Variants in ZNRF3 observed in about 807,000 individuals in gnomAD.
ZNRF3 encodes zinc and ring finger 3.
ZNRF3 carries 23 observed loss-of-function variants against 72.5 expected under a neutral mutation model. That is an observed-to-expected ratio of 0.32 (90% CI 0.23 to 0.45). The LOEUF (loss-of-function observed/expected upper bound fraction) is 0.45, where lower values mean the gene tolerates loss of function less well. Among genes scored for constraint, ZNRF3 ranks in the 20% least tolerant of loss-of-function variants. The pLI is 1.00. For missense variants in ZNRF3, 1,169 were observed against 1,272.1 expected (o/e 0.92, Z 1.23); for synonymous variants, 610 against 545.3 (o/e 1.12, Z -1.65).
intron 1 of ZNRF3, among the ~76,000 whole-genome samples, chr22:28,967,281 C>T (rs1011402202): frequency 2.0e-5 from 3 of 152,156 alleles, no homozygotes; most frequent in African/African-American, 7.2e-5. Flanking sequence ...GACTACAGTA[C>T]AGTAACATGC....
intron 1 of ZNRF3, among the ~76,000 whole-genome samples, chr22:28,964,465 A>G (rs1054747461): frequency 3.9e-5 from 6 of 152,308 alleles, no homozygotes; most frequent in African/African-American, 1.4e-4. Context: ...GGTGAGGGGA[A>G]CAACTCAGCC....
In ZNRF3 at chr22:29,050,898, G is replaced by A. The variant is rs200415716; in HGVS notation, c.2717G>A (p.Ser906Asn). Residue 906 changes from serine (S) to asparagine (N), a missense_variant, in exon 8 of 9, where the codon AGT (serine) becomes AAT (asparagine). Around this residue, in one of 2 missense-constraint regions of ZNRF3, gnomAD observed 783 missense variants for 731.4 expected, o/e 1.07. Coordinates refer to ENST00000544604, the MANE Select transcript of ZNRF3 (RefSeq NM_001206998.2). ...EAGAVRANFP[S>N]ALQDTQESST... ...GGTGCTGTCAGGGCCAACTTCCCTA[G>A]TGCCCTCCAGGACACTCAGGAGTCC... 1 of 1,573,386 alleles carries A rather than the reference G, an allele frequency of 6.4e-7. No individual in the cohort carries two copies. Among genetic ancestry groups the A allele is most frequent in the Non-Finnish European group, 8.6e-7 (1 of 1,167,430 alleles).
chr22:28,932,559 A>G (rs576588714), intron 1 of ZNRF3, among the ~76,000 whole-genome samples: 2 of 152,278 alleles, frequency 1.3e-5, no homozygotes, highest in African/African-American at 2.4e-5. Context: ...CTTGTGATCT[A>G]TCACCATGCT....
chr22:28,932,124 G>A (rs2034718293), intron 1 of ZNRF3, among the ~76,000 whole-genome samples: 1 of 152,204 alleles, frequency 6.6e-6, no homozygotes, highest in Non-Finnish European at 1.5e-5. Flanking sequence ...GACCCGTTCA[G>A]CCACACCTGT....
Position 28,883,959 on chromosome 22 carries a change from C to T in ZNRF3, c.193C>T (p.Leu65=). The change falls in exon 1 of 9, where the codon CTG becomes TTG. Residue 65 remains leucine, a synonymous_variant. Transcript: ENST00000544604. This position sits in a 1 kb window ranked among gnomAD's most constrained non-coding sequence, Gnocchi z 5.5. The stretch of plus-strand genomic sequence containing the variant: ...GGAGACGGCGTTCGTGGAGGTGGTG[C>T]TGTTCGAGTCGAGCCCAAGCGGCGA... ...AKETAFVEVV[L]FESSPSGDYT... The T allele has an allele frequency of 5.4e-6, 7 of 1,292,270 alleles. No homozygotes were observed. Among genetic ancestry groups the T allele is most frequent in the Non-Finnish European group, 7.0e-6 (7 of 1,000,982 alleles). The allele number at this position is 1,292,270 out of a possible 1,614,324, so 80.1% of individuals were successfully genotyped here. A position where few individuals can be genotyped will look rare whatever the true frequency, so the allele number is the denominator to read the frequency against.
rs574895082 is a variant in ZNRF3, at chr22:28,896,464, A to G, written c.300+12398A>G. ...TTTTTAGTAGAGACAGGGTTTCGCC[A>G]TGTTGGCCAGGCTGGTCTCAAACTC... On this transcript the variant is annotated intron_variant, in intron 1 of 8. Transcript: ENST00000544604. Among the ~76,000 whole-genome samples the G allele has an allele frequency of 2.2e-3, 331 of 151,898 alleles. 2 individuals carry two copies. The highest frequency in any genetic ancestry group is 7.7e-3 in the African/African-American group (318 of 41,420).
At chr22:29,027,733 GT>G (rs1424151142) in intron 2 of ZNRF3, among the ~76,000 whole-genome samples, 4 of 152,200 alleles carry the variant, frequency 2.6e-5, no homozygotes, top group African/African-American at 9.7e-5. Flanking sequence ...GATAGATTCA[GT>G]GTCATCCCCA....
At chr22:29,045,189 C>T (rs1569294392) in intron 5 of ZNRF3, among the ~76,000 whole-genome samples, 1 of 151,924 alleles carries the variant, frequency 6.6e-6, no homozygotes, top group African/African-American at 2.4e-5. Context: ...GGCAAAACCC[C>T]GTCTCTACCA....
chr22:28,930,052 A>T (rs1164266972), intron 1 of ZNRF3, among the ~76,000 whole-genome samples: 2 of 152,238 alleles, frequency 1.3e-5, no homozygotes, highest in Non-Finnish European at 2.9e-5. Context: ...AAAGCAGAAC[A>T]AATACGTATA....
chr22:28,948,132 T>G (rs1033608624), intron 1 of ZNRF3, among the ~76,000 whole-genome samples: 2 of 147,962 alleles, frequency 1.4e-5, no homozygotes, highest in African/African-American at 2.5e-5. Flanking sequence ...TGTGAGCCAC[T>G]GCGCCTGGCT....
At chr22:28,908,282 G>C (rs183721785) in intron 1 of ZNRF3, among the ~76,000 whole-genome samples, 1 of 152,302 alleles carries the variant, frequency 6.6e-6, no homozygotes, top group African/African-American at 2.4e-5. Flanking sequence ...TCTTTCCAAA[G>C]AACCCTCAAC....
intron 1 of ZNRF3, among the ~76,000 whole-genome samples, chr22:28,962,458 A>G (rs1425264792): frequency 6.6e-6 from 1 of 152,172 alleles, no homozygotes; most frequent in East Asian, 1.9e-4. Flanking sequence ...CAGCTCTCCA[A>G]AAGGCACAAG....
rs2037110643 is a variant in ZNRF3, at chr22:29,048,233, C to T, written c.913-156C>T. ...TCTTCCTAGAACACATGGGTGGGCC[C>T]TGCTTCTAGGGAATTGAGCCCTAAT... On this transcript the variant is annotated intron_variant, in intron 6 of 8. Transcript: ENST00000544604. The surrounding 1 kb of genome is among the most constrained non-coding windows in gnomAD (Gnocchi z 4.9). Among the ~76,000 whole-genome samples, 1 of 152,138 alleles carries T rather than the reference C, an allele frequency of 6.6e-6. No individual in the cohort carries two copies. Among genetic ancestry groups the T allele is most frequent in the Non-Finnish European group, 1.5e-5 (1 of 68,010 alleles).
rs115602003 is a variant in ZNRF3, at chr22:28,957,177, G to A, written c.301-29899G>A. Among the ~76,000 whole-genome samples, 199 of 152,280 alleles carry A rather than the reference G, an allele frequency of 1.3e-3. 1 individual carries two copies. The highest frequency in any genetic ancestry group is 4.5e-3 in the African/African-American group (187 of 41,550). On this transcript the variant is annotated intron_variant, in intron 1 of 8. Coordinates refer to ENST00000544604, the MANE Select transcript of ZNRF3 (RefSeq NM_001206998.2). ...GCCAGGACAGTACTTCTTACATTCT[G>A]TCTTTGTCAAGGGCTTTTGTAGTCC...
At chr22:28,916,222 C>T (rs944615420) in intron 1 of ZNRF3, among the ~76,000 whole-genome samples, 19 of 151,974 alleles carry the variant, frequency 1.3e-4, no homozygotes, top group African/African-American at 4.1e-4. Context: ...CCACTGTGCC[C>T]GGCTAATTTT....
chr22:29,049,916 G>A lies in ZNRF3; in HGVS notation c.1735G>A (p.Val579Met), dbSNP rs775042304. The A allele has an allele frequency of 2.5e-6, 4 of 1,606,032 alleles. No individual in the cohort carries two copies. The highest frequency in any genetic ancestry group is 1.3e-5 in the African/African-American group (1 of 74,798). The change falls in exon 8 of 9, where the codon GTG becomes ATG. Residue 579 changes from valine to methionine, a missense_variant. Val to Met is a conservative substitution (Grantham distance 21). This residue lies in a region of ZNRF3 where 783 missense variants were observed against 731.4 expected (regional missense o/e 1.07). Coordinates refer to ENST00000544604, the MANE Select transcript of ZNRF3 (RefSeq NM_001206998.2). This position sits in a 1 kb window ranked among gnomAD's most constrained non-coding sequence, Gnocchi z 5.2. ...VDCTEVSNQG[V>M]YGSCSTFRSS... The stretch of plus-strand genomic sequence containing the variant: ...CTGCACTGAGGTCAGCAACCAGGGC[G>A]TGTACGGGAGCTGCTCCACCTTCCG...
In ZNRF3 at chr22:28,966,867, CTTTTTTTTT is replaced by C. The variant is rs530036984; in HGVS notation, c.301-20195_301-20187del. ...GTTACAGGCACATAGTTTTAAAAATCTTTTTTTTTTTTTTTTTTTTTTGAGATGGAGTCT... is the reference window on the plus strand; with the variant it reads ...GTTACAGGCACATAGTTTTAAAAATCTTTTTTTTTTTTTGAGATGGAGTCT... On this transcript the variant is annotated intron_variant, in intron 1 of 8. Coordinates refer to ENST00000544604, the MANE Select transcript of ZNRF3 (RefSeq NM_001206998.2). Among the ~76,000 whole-genome samples the C allele has an allele frequency of 1.2e-4, 12 of 102,460 alleles. No individual in the cohort carries two copies. The Admixed American group carries it at 1.2e-3, about 10-fold the overall frequency. 67.2% of individuals were successfully genotyped at this position (102,460 alleles called of 152,430 possible).
intron 1 of ZNRF3, among the ~76,000 whole-genome samples, chr22:28,908,210 C>A (rs781270898): frequency 6.6e-6 from 1 of 152,180 alleles, no homozygotes; most frequent in Non-Finnish European, 1.5e-5. Flanking sequence ...ATGCAGCATG[C>A]AATGGAAATT....
At chr22:28,945,524 C>A (rs1462975320) in intron 1 of ZNRF3, among the ~76,000 whole-genome samples, 1 of 149,466 alleles carries the variant, frequency 6.7e-6, no homozygotes, top group Admixed American at 6.7e-5. Flanking sequence ...AAACCCGTCT[C>A]TATTTTTTTT....
Sources: gnomAD v4.1 joint callset for allele counts (sites outside exome capture counted in the v4.1 genomes callset) on GRCh38, gnomAD v4.1.1 for gene constraint, gnomAD v4.1.1 regional missense constraint, Gnocchi (gnomAD v3.1) non-coding constraint, MANE v1.5 for transcripts, NCBI Gene and HGNC (gene_info 2026-07-23, HGNC 2026-07-21) for gene names.